Variants in LARGE1 observed in about 807,000 individuals in gnomAD.
LARGE1 encodes the protein xylosyl- and glucuronyltransferase LARGE1.
A neutral mutation model predicts 87.6 loss-of-function variants in LARGE1; 43 were observed. The ratio of observed to expected loss-of-function variants is 0.49; its 90% CI spans 0.38 to 0.63. The LOEUF (loss-of-function observed/expected upper bound fraction) is 0.63, where lower values mean the gene tolerates loss of function less well. Among genes scored for constraint, LARGE1 ranks in the 30% least tolerant of loss-of-function variants. LARGE1 has a pLI of 0.00. For synonymous variants in LARGE1, 434 were observed against 394.6 expected, an observed-to-expected ratio of 1.10 and a Z score of -1.18; for missense variants, 802 against 1,000.2, an observed-to-expected ratio of 0.80 and a Z score of 2.67.
the LARGE1 span, among the ~76,000 whole-genome samples, chr22:33,115,069 A>G: frequency 6.6e-6 from 1 of 152,172 alleles, no homozygotes; most frequent in East Asian, 1.9e-4. Flanking sequence ...GGAGATATAG[A>G]TGAATGTTTG....
chr22:33,550,509 T>A (rs779225372), intron 6 of LARGE1, among the ~76,000 whole-genome samples: 1 of 152,072 alleles, frequency 6.6e-6, no homozygotes, highest in Non-Finnish European at 1.5e-5. Context: ...TTATGAGATA[T>A]CATCTTAAAC....
intron 1 of LARGE1, among the ~76,000 whole-genome samples, chr22:33,832,294 C>A (rs1196927457): frequency 6.6e-6 from 1 of 152,132 alleles, no homozygotes; most frequent in Non-Finnish European, 1.5e-5. Flanking sequence ...CCATTCTCAT[C>A]GGTGAAAAGT....
chr22:33,319,056 T>G (rs181895210), intron 10 of LARGE1, among the ~76,000 whole-genome samples: 1 of 152,336 alleles, frequency 6.6e-6, no homozygotes, highest in East Asian at 1.9e-4. Flanking sequence ...CTATGGAAGA[T>G]GATGGCATTA....
intron 11 of LARGE1, among the ~76,000 whole-genome samples, chr22:33,192,708 C>CT (rs200712419): frequency 0.03 from 4,588 of 151,998 alleles, 93 homozygotes; most frequent in Admixed American, 0.056. Context: ...CTTTTGTGGC[C>CT]TGTGCTTTTG....
chr22:33,070,068 C>T, the LARGE1 span, among the ~76,000 whole-genome samples: 5 of 152,264 alleles, frequency 3.3e-5, no homozygotes, highest in Non-Finnish European at 5.9e-5. Flanking sequence ...GTGATCCACC[C>T]GCCTCGGCCT....
intron 2 of LARGE1, among the ~76,000 whole-genome samples, chr22:33,711,493 A>G (rs1204562248): frequency 6.6e-6 from 1 of 152,204 alleles, no homozygotes; most frequent in Non-Finnish European, 1.5e-5. Flanking sequence ...CTTACTGGAG[A>G]GAAGTTAGGT....
rs993555217 is a variant in LARGE1, at chr22:33,283,293, C to T, written c.1786G>A (p.Ala596Thr). 6 of 1,613,948 alleles carry T rather than the reference C, an allele frequency of 3.7e-6. No individual in the cohort carries two copies. Among genetic ancestry groups the T allele is most frequent in the East Asian group, 2.2e-5 (1 of 44,892 alleles). Reference protein sequence around the residue: ...ANTKKAMIVPAFETLRYRLSF... With the variant: ...ANTKKAMIVPTFETLRYRLSF... ...AGCCGGTAGCGCAGTGTCTCGAACG[C>T]GGGGACAATCATTGCTTTCTTGGTG... The change falls in exon 13 of 15, where the codon GCG becomes ACG. Residue 596 changes from alanine (A) to threonine (T), a missense_variant. By Grantham distance (58) the Ala-to-Thr change is moderately conservative. This residue lies in a region of LARGE1 where 625 missense variants were observed against 841.9 expected (regional missense o/e 0.74). Transcript: ENST00000397394.
chr22:33,531,389 C>A (rs1045747532), intron 6 of LARGE1, among the ~76,000 whole-genome samples: 1 of 152,134 alleles, frequency 6.6e-6, no homozygotes, highest in South Asian at 2.1e-4. Context: ...AACTCCTAAC[C>A]TCAGGTGATC....
the LARGE1 span, among the ~76,000 whole-genome samples, chr22:33,086,190 T>C: frequency 6.6e-6 from 1 of 152,210 alleles, no homozygotes; most frequent in South Asian, 2.1e-4. Context: ...CCAATAAATT[T>C]GGATTTTTAA....
chr22:33,220,176 G>C (rs1925389816), intron 11 of LARGE1, among the ~76,000 whole-genome samples: 1 of 152,156 alleles, frequency 6.6e-6, no homozygotes, highest in Non-Finnish European at 1.5e-5. Context: ...CTTTGGATTT[G>C]TGAGGTCACG....
chr22:33,689,055 T>G (rs1038106506), intron 2 of LARGE1, among the ~76,000 whole-genome samples: 1 of 151,998 alleles, frequency 6.6e-6, no homozygotes, highest in African/African-American at 2.4e-5. Context: ...GCCAGTAAAT[T>G]AAAAGTTATA....
intron 6 of LARGE1, among the ~76,000 whole-genome samples, chr22:33,504,016 C>T (rs1238662601): frequency 6.6e-6 from 1 of 152,040 alleles, no homozygotes; most frequent in African/African-American, 2.4e-5. Context: ...AGACACCAAA[C>T]AGAAAAAGGC....
the LARGE1 span, among the ~76,000 whole-genome samples, chr22:33,096,048 G>A: frequency 1.3e-5 from 2 of 152,044 alleles, no homozygotes. Flanking sequence ...ATTAACCTAC[G>A]GGCTTTTTTG....
At chr22:33,605,525 T>G (rs906230108) in intron 4 of LARGE1, among the ~76,000 whole-genome samples, 1 of 152,188 alleles carries the variant, frequency 6.6e-6, no homozygotes, top group African/African-American at 2.4e-5. Context: ...ATCAGGCTGC[T>G]GTGTTGATTA....
chr22:33,655,177 A>T (rs3933750), intron 2 of LARGE1, among the ~76,000 whole-genome samples: 6 of 151,822 alleles, frequency 4.0e-5, no homozygotes, highest in Non-Finnish European at 8.8e-5. Context: ...GTTTTTTTTT[A>T]AAGGTGTTTT....
intron 1 of LARGE1, among the ~76,000 whole-genome samples, chr22:33,902,312 T>C (rs557794917): frequency 5.3e-5 from 8 of 152,180 alleles, no homozygotes; most frequent in Non-Finnish European, 1.2e-4. Context: ...GGATGAGCTG[T>C]TGGTCTCAAA....
At chr22:33,248,836 T>G (rs1430071978) in intron 11 of LARGE1, among the ~76,000 whole-genome samples, 1 of 152,208 alleles carries the variant, frequency 6.6e-6, no homozygotes, top group Non-Finnish European at 1.5e-5. Flanking sequence ...CATCTTTTAC[T>G]TAGTAAAATG....
chr22:33,394,023 G>A lies in LARGE1; in HGVS notation c.893-9719C>T, dbSNP rs142451382. ...GAAAAGTAGGTATCTGTGCAGAGAG[G>A]AAAGTGAGAATAATGCTATTTTATG... On this transcript the variant is annotated intron_variant, in intron 7 of 14. Transcript: ENST00000397394. 1.7e-3 allele frequency among the ~76,000 whole-genome samples: 247 copies of A among 149,188 alleles called. 2 individuals are homozygous for A. The highest frequency in any genetic ancestry group is 5.8e-3 in the African/African-American group (237 of 40,632).
At chr22:33,526,403 G>A (rs1214010935) in intron 6 of LARGE1, among the ~76,000 whole-genome samples, 1 of 152,236 alleles carries the variant, frequency 6.6e-6, no homozygotes, top group Non-Finnish European at 1.5e-5. Flanking sequence ...TGGCTTGAGG[G>A]GAGAGAAGAG....
Sources: allele counts gnomAD v4.1 joint callset (sites outside exome capture counted in the v4.1 genomes callset), GRCh38; gene constraint gnomAD v4.1.1; regional missense constraint gnomAD v4.1.1; transcripts MANE v1.5; gene names NCBI Gene and HGNC (gene_info 2026-07-23, HGNC 2026-07-21).